GLP1R: variants seen among roughly 807,000 people sequenced by gnomAD.
The protein encoded by GLP1R is glucagon like peptide 1 receptor.
Under a neutral mutation model 68.4 loss-of-function variants are expected in GLP1R, and 32 were observed. The observed-to-expected ratio is 0.47, with a 90% confidence interval of 0.35 to 0.63. GLP1R has a LOEUF of 0.63. GLP1R is among the 20% of genes least tolerant of loss of function. The pLI is 0.00. For missense variants in GLP1R, 502 were observed against 594.9 expected (o/e 0.84, Z 1.62); for synonymous variants, 263 against 244.4 (o/e 1.08, Z -0.71).
intron 1 of GLP1R, 60 bp downstream of exon 1, chr6:39,048,978 G>T: frequency 2.9e-6 from 2 of 685,100 alleles, no homozygotes; most frequent in South Asian, 4.8e-5. Context: ...GGCTGCAGGC[G>T]CAGTGTCCTG....
chr6:39,060,030 T>A (rs1477476956), intron 3 of GLP1R, among the ~76,000 whole-genome samples: 1 of 152,132 alleles, frequency 6.6e-6, no homozygotes, highest in Non-Finnish European at 1.5e-5. Context: ...ACTCCCTTTT[T>A]TGACACTTGG....
At chr6:39,058,670 A>AT (rs59982730) in intron 3 of GLP1R, among the ~76,000 whole-genome samples, 12 of 151,654 alleles carry the variant, frequency 7.9e-5, no homozygotes, top group East Asian at 3.9e-4. Context: ...CATCATCATC[A>AT]CCATCACCAT....
chr6:39,078,842 C>CTG, intron 8 of GLP1R, 115 bp from the exon 9 acceptor site: 1 of 880,696 alleles, frequency 1.1e-6, no homozygotes, highest in East Asian at 2.4e-5. Context: ...CTCCTGGGAG[C>CTG]TGTGTGTGTG....
intron 7 of GLP1R, among the ~76,000 whole-genome samples, chr6:39,075,796 C>T (rs954487926): frequency 1.3e-5 from 2 of 152,180 alleles, no homozygotes; most frequent in African/African-American, 4.8e-5. Context: ...GGAGAGGTCC[C>T]CCAAAGGGCA....
At chr6:39,083,216 G>A (rs1019790527) in intron 12 of GLP1R, among the ~76,000 whole-genome samples, 3 of 152,176 alleles carry the variant, frequency 2.0e-5, no homozygotes, top group Non-Finnish European at 2.9e-5. Context: ...CTCAGAGAAC[G>A]GGAGAACCTG....
At chr6:39,085,042 C>A in intron 12 of GLP1R, among the ~76,000 whole-genome samples, 1 of 152,098 alleles carries the variant, frequency 6.6e-6, no homozygotes, top group East Asian at 1.9e-4. Flanking sequence ...GCAGTCCAGA[C>A]CCCCCAGGAC....
Position 39,078,994 on chromosome 6 carries a change from A to G in GLP1R, c.922A>G (p.Ile308Val). 5 of 1,613,730 alleles carry G rather than the reference A, an allele frequency of 3.1e-6. No homozygotes were observed. The highest frequency in any genetic ancestry group is 4.2e-6 in the Non-Finnish European group (5 of 1,179,632). The stretch of plus-strand genomic sequence containing the variant: ...GAACTCCAACATGAACTACTGGCTC[A>G]TTATCCGGCTGCCCATTCTCTTTGC... ...TRNSNMNYWL[I>V]IRLPILFAIG... The change falls in exon 9 of 13, where the codon ATT (isoleucine) becomes GTT (valine). Residue 308 changes from isoleucine (I) to valine (V), a missense_variant. Transcript: ENST00000373256.
intron 1 of GLP1R, among the ~76,000 whole-genome samples, chr6:39,053,670 G>A (rs2150819586): frequency 6.6e-6 from 1 of 152,314 alleles, no homozygotes; most frequent in African/African-American, 2.4e-5. Flanking sequence ...TTGCACAAGT[G>A]TAAGCTGAGC....
intron 12 of GLP1R, among the ~76,000 whole-genome samples, chr6:39,085,611 G>T (rs559476785): frequency 6.6e-6 from 1 of 152,088 alleles, no homozygotes; most frequent in Non-Finnish European, 1.5e-5. Flanking sequence ...ATTCTCTTCC[G>T]TTAAATAATA....
chr6:39,063,201 C>T (rs896379435), intron 3 of GLP1R, among the ~76,000 whole-genome samples: 5 of 152,172 alleles, frequency 3.3e-5, no homozygotes, highest in African/African-American at 1.2e-4. Context: ...GCTCTGACAC[C>T]ATCTCATTCC....
At chr6:39,071,867 G>T (rs1431271455) in intron 5 of GLP1R, among the ~76,000 whole-genome samples, 1 of 152,068 alleles carries the variant, frequency 6.6e-6, no homozygotes, top group Non-Finnish European at 1.5e-5. Context: ...CTCCTTTAAG[G>T]TAGCGAGTCT....
At chr6:39,069,637 C>CA (rs1160778497) in intron 5 of GLP1R, among the ~76,000 whole-genome samples, 1,775 of 98,714 alleles carry the variant, frequency 0.018, 18 homozygotes, top group South Asian at 0.031. Flanking sequence ...GACTCTGTCT[C>CA]AAAAAAAAAA....
rs754104238 is a variant in GLP1R at position 39,079,072 on chromosome 6, G to A, written c.955-40G>A. The A allele has an allele frequency of 6.2e-7, 1 of 1,605,188 alleles. No individual in the cohort carries two copies. Among genetic ancestry groups the A allele is most frequent in the Non-Finnish European group, 8.5e-7 (1 of 1,171,862 alleles). On this transcript the variant is annotated intron_variant, in intron 9 of 12. Coordinates refer to ENST00000373256, the MANE Select transcript of GLP1R (RefSeq NM_002062.5). This position sits in a 1 kb window ranked among gnomAD's most constrained non-coding sequence, Gnocchi z 4.5. ...TGGGAGTGGCAGCTATGATAGGGCT[G>A]GGCTGGTGCCCCCTGCCAATCCCCG...
At position 39,086,797 on chromosome 6, in the gene GLP1R, GC is replaced by G. The variant is rs1348412290; in HGVS notation, c.*727del. 1 of 152,672 alleles carries G rather than the reference GC, an allele frequency of 6.5e-6. No homozygotes were observed. The highest frequency in any genetic ancestry group is 1.5e-5 in the Non-Finnish European group (1 of 68,092). The allele number at this position is 152,672 out of a possible 1,614,324, so 9.5% of individuals were successfully genotyped here. On this transcript the variant is annotated 3_prime_UTR_variant, in exon 13 of 13. Coordinates refer to ENST00000373256, the MANE Select transcript of GLP1R (RefSeq NM_002062.5). The surrounding 1 kb of genome is among the most constrained non-coding windows in gnomAD (Gnocchi z 4.5). The stretch of plus-strand genomic sequence containing the variant: ...TTGTTTTGGTGCCTGCCTCTGCCAT[GC>G]CCAGAGAATCAGGGCAGGCTTGCCA...
intron 3 of GLP1R, among the ~76,000 whole-genome samples, chr6:39,063,424 AT>A (rs1302762821): frequency 6.6e-6 from 1 of 152,076 alleles, no homozygotes; most frequent in Admixed American, 6.5e-5. Flanking sequence ...GGTACACCTG[AT>A]TTTGTTCATA....
intron 12 of GLP1R, among the ~76,000 whole-genome samples, chr6:39,082,375 A>G (rs1769028642): frequency 6.6e-6 from 1 of 152,250 alleles, no homozygotes; most frequent in Admixed American, 6.5e-5. Flanking sequence ...AGAAGATGGT[A>G]GAGCTAGTGG....
Position 39,048,816 on chromosome 6 carries a change from A to C in GLP1R, c.-25A>C. The C allele has an allele frequency of 8.2e-7, 1 of 1,219,664 alleles. No individual in the cohort carries two copies. The highest frequency in any genetic ancestry group is 1.1e-6 in the Non-Finnish European group (1 of 873,272). The allele number at this position is 1,219,664 out of a possible 1,614,324, so 75.6% of individuals were successfully genotyped here. On this transcript the variant is annotated 5_prime_UTR_variant, in exon 1 of 13. It removes an upstream start codon present in the reference 5' UTR. Transcript: ENST00000373256. ...GCACGCGGTTCCGCAGGTGGCAGCG[A>C]TGGCCCAGTCCTGAACTCCCCGCCA...
chr6:39,070,391 AGTT>A (rs35668988), intron 5 of GLP1R, among the ~76,000 whole-genome samples: 13,467 of 152,188 alleles, frequency 0.088, 729 homozygotes, highest in Admixed American at 0.18. Context: ...TGGACATTTG[AGTT>A]GTTCTCTTTT....
intron 3 of GLP1R, among the ~76,000 whole-genome samples, chr6:39,060,473 G>A (rs1768331316): frequency 6.6e-6 from 1 of 152,208 alleles, no homozygotes; most frequent in Non-Finnish European, 1.5e-5. Flanking sequence ...AGCACCCCTA[G>A]ACCTGAGAAG....
Sources: allele counts gnomAD v4.1 joint callset (sites outside exome capture counted in the v4.1 genomes callset), GRCh38; gene constraint gnomAD v4.1.1; non-coding constraint Gnocchi (gnomAD v3.1); transcripts MANE v1.5; gene names NCBI Gene and HGNC (gene_info 2026-07-23, HGNC 2026-07-21).